The following SYNE1 variants were observed in gnomAD, a reference collection of about 807,000 sequenced individuals.
SYNE1 encodes spectrin repeat containing nuclear envelope protein 1.
A neutral mutation model predicts 1,111.0 loss-of-function variants in SYNE1; 616 were observed. That is an observed-to-expected ratio of 0.55 (90% CI 0.52 to 0.59). The LOEUF (loss-of-function observed/expected upper bound fraction) is 0.59, where lower values mean the gene tolerates loss of function less well. Ranked by LOEUF, SYNE1 falls within the 20% of genes least tolerant of loss-of-function variation. SYNE1 has a pLI of 0.00. For missense variants in SYNE1, 10,006 were observed against 10,417.0 expected (o/e 0.96, Z 1.72); for synonymous variants, 3,855 against 3,825.8 (o/e 1.01, Z -0.28).
At position 152,310,700 on chromosome 6, in the gene SYNE1, T is replaced by C. The variant is rs760267676; in HGVS notation, c.16884A>G (p.Gln5628=). The change falls in exon 88 of 146, where the codon CAA becomes CAG. Residue 5628 remains glutamine (Q), a synonymous_variant. Transcript: ENST00000367255. ...QMIKIRLQNL[Q]DAAKDMKKFE... ...TTTCTTTTTTTACCTTAGCTGCATCTTGGAGGTTCTGCAAACGAATTTTGA... is the reference window on the plus strand; with the variant it reads ...TTTCTTTTTTTACCTTAGCTGCATCCTGGAGGTTCTGCAAACGAATTTTGA... The C allele has an allele frequency of 6.2e-7, 1 of 1,614,002 alleles. No homozygotes were observed. Among genetic ancestry groups the C allele is most frequent in the South Asian group, 1.1e-5 (1 of 91,064 alleles).
At chr6:152,337,645 C>G (rs9383990) in intron 75 of SYNE1, among the ~76,000 whole-genome samples, 121,488 of 152,180 alleles carry the variant, frequency 0.8, 49,066 homozygotes, top group African/African-American at 0.93. Flanking sequence ...ATGGTTTTTC[C>G]CATTGGGCAT....
intron 3 of SYNE1, among the ~76,000 whole-genome samples, chr6:152,626,098 A>G (rs1203368789): frequency 6.6e-6 from 1 of 152,198 alleles, no homozygotes; most frequent in Non-Finnish European, 1.5e-5. Flanking sequence ...TAAAAAACAT[A>G]ATAAAACACA....
In SYNE1 at chr6:152,635,943, C is replaced by T. The variant is rs1467628961; in HGVS notation, c.-224+695G>A. 2.6e-5 allele frequency among the ~76,000 whole-genome samples: 4 copies of T among 152,296 alleles called. No individual in the cohort carries two copies. In the East Asian group the frequency reaches 5.8e-4, roughly 22 times the overall value. ...AGCCTGCCTTCCCAAGGGGCTTCTT[C>T]CTGTGCGGCTGATGGCTGCTTCGTT... On this transcript the variant is annotated intron_variant, in intron 2 of 145. Coordinates refer to ENST00000367255, the MANE Select transcript of SYNE1 (RefSeq NM_182961.4).
intron 95 of SYNE1, among the ~76,000 whole-genome samples, chr6:152,285,353 A>G (rs1014009029): frequency 1.3e-5 from 2 of 152,190 alleles, no homozygotes; most frequent in Non-Finnish European, 2.9e-5. Context: ...ATAATGGTCT[A>G]CTAATGAGTC....
chr6:152,200,806 C>T (rs1257608761), intron 127 of SYNE1, among the ~76,000 whole-genome samples: 1 of 152,176 alleles, frequency 6.6e-6, no homozygotes, highest in South Asian at 2.1e-4. Flanking sequence ...TTTCACTTTC[C>T]ATCCATGATG....
In SYNE1 at chr6:152,244,652, A is replaced by G. The variant is rs2086639076; in HGVS notation, c.19577T>C (p.Ile6526Thr). The change falls in exon 106 of 146, where the codon ATA becomes ACA. Residue 6526 changes from isoleucine to threonine, a missense_variant. Transcript: ENST00000367255. The stretch of plus-strand genomic sequence containing the variant: ...TTTGAGTCCATCTTCAGCCTGTTGT[A>G]TTGCCTAAGTAAGATCCATGACATT... ...EQPVAEQIEA[I>T]QQAEDGLKEF... 6.2e-7 allele frequency: 1 copy of G among 1,613,874 alleles called. No homozygotes were observed. The highest frequency in any genetic ancestry group is 8.5e-7 in the Non-Finnish European group (1 of 1,179,850).
At chr6:152,184,627 C>CATATATAT (rs752571504) in intron 128 of SYNE1, among the ~76,000 whole-genome samples, 4 of 140,082 alleles carry the variant, frequency 2.9e-5, no homozygotes, top group Non-Finnish European at 3.1e-5. Flanking sequence ...GGATTATACA[C>CATATATAT]ATATATAGAT....
intron 4 of SYNE1, among the ~76,000 whole-genome samples, chr6:152,538,445 AC>A: frequency 6.6e-6 from 1 of 152,084 alleles, no homozygotes; most frequent in East Asian, 1.9e-4. Context: ...ATCCTATAAA[AC>A]CACTTATATG....
At chr6:152,256,139 G>T (rs1588867285) in intron 102 of SYNE1, among the ~76,000 whole-genome samples, 1 of 152,160 alleles carries the variant, frequency 6.6e-6, no homozygotes, top group African/African-American at 2.4e-5. Context: ...AACAGGATGG[G>T]GCCAGGCGCG....
intron 127 of SYNE1, among the ~76,000 whole-genome samples, chr6:152,200,075 C>G (rs1016772723): frequency 2.0e-5 from 3 of 152,178 alleles, no homozygotes; most frequent in African/African-American, 4.8e-5. Flanking sequence ...TTCTACCCCC[C>G]CAACTCGAGC....
intron 3 of SYNE1, among the ~76,000 whole-genome samples, chr6:152,606,825 T>TA (rs1476227259): frequency 2.0e-5 from 3 of 149,650 alleles, no homozygotes; most frequent in Non-Finnish European, 4.4e-5. Context: ...ATTTTTTTTT[T>TA]ATATATTTTT....
chr6:152,602,834 A>G (rs1295995973), intron 3 of SYNE1, among the ~76,000 whole-genome samples: 2 of 152,214 alleles, frequency 1.3e-5, no homozygotes, highest in African/African-American at 2.4e-5. Flanking sequence ...GGAGGGAGAG[A>G]CATAACAAAA....
chr6:152,284,060 G>T lies in SYNE1; in HGVS notation c.18125C>A (p.Ala6042Asp). The T allele has an allele frequency of 6.2e-7, 1 of 1,614,210 alleles. No individual in the cohort carries two copies. The change falls in exon 96 of 146, where the codon GCC becomes GAC. Residue 6042 changes from alanine (A) to aspartate (D), a missense_variant. Physicochemically the swap from Ala to Asp is moderately radical, Grantham distance 126. Around this residue, in one of 7 missense-constraint regions of SYNE1, gnomAD observed 4,955 missense variants for 5,017.2 expected, o/e 0.99. Transcript: ENST00000367255. ...TAAGACAGTGAGCGTGGACTGCAAG[G>T]CCAGCTGCTCCGCAGGGTCGGCCTC... ...SCEADPAEQL[A>D]LQSTLTVLAE...
chr6:152,175,670 C>A (rs1201887260), intron 130 of SYNE1, among the ~76,000 whole-genome samples: 3 of 152,228 alleles, frequency 2.0e-5, no homozygotes, highest in Non-Finnish European at 2.9e-5. Context: ...TAAGTTCCAA[C>A]ATGAAGCCAA....
intron 66 of SYNE1, among the ~76,000 whole-genome samples, chr6:152,357,720 C>T: frequency 6.6e-6 from 1 of 152,158 alleles, no homozygotes; most frequent in Non-Finnish European, 1.5e-5. Flanking sequence ...AGACAGAAAT[C>T]ATATCTTAAT....
intron 11 of SYNE1, among the ~76,000 whole-genome samples, chr6:152,490,042 A>G (rs2098962053): frequency 6.6e-6 from 1 of 152,234 alleles, no homozygotes; most frequent in African/African-American, 2.4e-5. Flanking sequence ...CTGTTTTCTT[A>G]GATTCAATCA....
At chr6:152,522,420 T>C (rs1696959387) in intron 5 of SYNE1, among the ~76,000 whole-genome samples, 1 of 152,148 alleles carries the variant, frequency 6.6e-6, no homozygotes, top group African/African-American at 2.4e-5. Context: ...TAGTATTCCA[T>C]GGTTGTATAT....
Position 152,350,479 on chromosome 6 carries a change from T to C in SYNE1, c.11733+139A>G, listed in dbSNP as rs1008680214. 5.5e-6 allele frequency: 8 copies of C among 1,459,590 alleles called. No individual in the cohort carries two copies. In the African/African-American group the frequency reaches 5.6e-5, roughly 10 times the overall value. 90.4% of individuals were successfully genotyped at this position (1,459,590 alleles called of 1,614,324 possible). A position where few individuals can be genotyped will look rare whatever the true frequency, so the allele number is the denominator to read the frequency against. ...CAGGAATGGAAAACAACATAGTCAT[T>C]ATGCCAATTAAATATCCATCTGAAT... is the stretch of plus-strand genomic sequence containing the variant. On this transcript the variant is annotated intron_variant, in intron 71 of 145. Coordinates refer to ENST00000367255, the MANE Select transcript of SYNE1 (RefSeq NM_182961.4).
chr6:152,601,443 C>T (rs897288464), intron 3 of SYNE1, among the ~76,000 whole-genome samples: 1 of 152,138 alleles, frequency 6.6e-6, no homozygotes, highest in Non-Finnish European at 1.5e-5. Context: ...GCAATGCCAT[C>T]GAGATATCTG....
Sources: allele counts gnomAD v4.1 joint callset (sites outside exome capture counted in the v4.1 genomes callset), GRCh38; gene constraint gnomAD v4.1.1; regional missense constraint gnomAD v4.1.1; transcripts MANE v1.5; gene names NCBI Gene and HGNC (gene_info 2026-07-23, HGNC 2026-07-21).